DOCK4: variants seen among roughly 807,000 people sequenced by gnomAD.
DOCK4 encodes dedicator of cytokinesis protein 4.
In DOCK4, 97 loss-of-function variants were observed where a neutral mutation model predicts 268.1. The observed-to-expected ratio is 0.36, with a 90% CI of 0.31 to 0.43. The LOEUF (loss-of-function observed/expected upper bound fraction) is 0.43, where lower values mean the gene tolerates loss of function less well. Ranked by LOEUF, DOCK4 falls within the 20% of genes least tolerant of loss-of-function variation. The pLI is 1.00. For synonymous variants in DOCK4, 954 were observed against 887.2 expected, an observed-to-expected ratio of 1.08 and a Z score of -1.34; for missense variants, 2,145 against 2,455.7, an observed-to-expected ratio of 0.87 and a Z score of 2.67.
At chr7:112,188,282 G>A (rs1275279352) in intron 1 of DOCK4, among the ~76,000 whole-genome samples, 2 of 152,196 alleles carry the variant, frequency 1.3e-5, no homozygotes, top group Non-Finnish European at 2.9e-5. Context: ...CAGTTCCAAT[G>A]ACATCTAGTC....
At chr7:112,130,727 G>A (rs1324042707) in intron 1 of DOCK4, among the ~76,000 whole-genome samples, 1 of 152,208 alleles carries the variant, frequency 6.6e-6, no homozygotes, top group Non-Finnish European at 1.5e-5. Context: ...GTTAGTAAAT[G>A]TGGGGAAAAA....
At chr7:112,088,439 A>G (rs1189932835) in intron 1 of DOCK4, among the ~76,000 whole-genome samples, 1 of 152,172 alleles carries the variant, frequency 6.6e-6, no homozygotes, top group Non-Finnish European at 1.5e-5. Flanking sequence ...ATGTAAGACA[A>G]TACTTATTTG....
intron 23 of DOCK4, among the ~76,000 whole-genome samples, chr7:111,851,022 G>T (rs547404704): frequency 6.6e-6 from 1 of 152,166 alleles, no homozygotes; most frequent in Non-Finnish European, 1.5e-5. Context: ...TTCAACAAAT[G>T]ATGCTAGAAC....
At chr7:111,897,612 T>C (rs1001782743) in intron 15 of DOCK4, among the ~76,000 whole-genome samples, 9 of 150,778 alleles carry the variant, frequency 6.0e-5, no homozygotes, top group African/African-American at 2.0e-4. Flanking sequence ...AAGCTTGAAA[T>C]TGGACATAGT....
chr7:111,914,849 TCA>T (rs1371142905), intron 13 of DOCK4, among the ~76,000 whole-genome samples: 1 of 152,238 alleles, frequency 6.6e-6, no homozygotes, highest in Non-Finnish European at 1.5e-5. Context: ...TCTGTTGTGT[TCA>T]GTTTTATAGC....
At chr7:112,108,486 A>C (rs1406012282) in intron 1 of DOCK4, among the ~76,000 whole-genome samples, 5 of 152,222 alleles carry the variant, frequency 3.3e-5, no homozygotes, top group Non-Finnish European at 7.3e-5. Flanking sequence ...AAGAGAGTGT[A>C]ATATTTTACA....
intron 27 of DOCK4, among the ~76,000 whole-genome samples, chr7:111,817,636 G>T (rs2133943694): frequency 6.6e-6 from 1 of 152,276 alleles, no homozygotes; most frequent in South Asian, 2.1e-4. Flanking sequence ...TAGCAACCTT[G>T]CATGCAATCC....
intron 12 of DOCK4, among the ~76,000 whole-genome samples, chr7:111,925,573 T>C (rs923078098): frequency 6.6e-6 from 1 of 152,150 alleles, no homozygotes; most frequent in African/African-American, 2.4e-5. Context: ...GCTGTGAACA[T>C]TACCAGAGGC....
chr7:111,872,667 C>T, intron 17 of DOCK4, 103 bp from the exon 18 acceptor site: 1 of 860,406 alleles, frequency 1.2e-6, no homozygotes, highest in Non-Finnish European at 1.7e-6. Context: ...ATGTGGCTCC[C>T]CTCTCCTAGC....
chr7:111,964,204 T>G (rs1167493079), intron 8 of DOCK4, among the ~76,000 whole-genome samples: 1 of 133,500 alleles, frequency 7.5e-6, no homozygotes, highest in African/African-American at 3.5e-5. Flanking sequence ...CAAAGCTGGA[T>G]GGAGAATGAT....
At chr7:112,179,418 A>C (rs939070973) in intron 1 of DOCK4, among the ~76,000 whole-genome samples, 3 of 151,826 alleles carry the variant, frequency 2.0e-5, no homozygotes, top group African/African-American at 7.3e-5. Flanking sequence ...AAATCTTCTA[A>C]GTGAACTCTC....
intron 1 of DOCK4, among the ~76,000 whole-genome samples, chr7:112,023,209 T>C (rs1802489142): frequency 6.6e-6 from 1 of 152,182 alleles, no homozygotes; most frequent in East Asian, 1.9e-4. Flanking sequence ...ATTACAAGTG[T>C]GAGGCACCGT....
chr7:111,869,678 C>T (rs1806256396), intron 20 of DOCK4, 23 bp from the exon 21 acceptor site: 1 of 1,604,638 alleles, frequency 6.2e-7, no homozygotes, highest in Admixed American at 1.7e-5. Context: ...GGAAAATGTG[C>T]AGAATGTAAA....
At chr7:112,116,538 G>C (rs1812191732) in intron 1 of DOCK4, among the ~76,000 whole-genome samples, 1 of 152,096 alleles carries the variant, frequency 6.6e-6, no homozygotes, top group South Asian at 2.1e-4. Context: ...GTCACAAGTG[G>C]GGAAACCAGA....
At chr7:112,149,714 A>C (rs1815876890) in intron 1 of DOCK4, among the ~76,000 whole-genome samples, 2 of 152,234 alleles carry the variant, frequency 1.3e-5, no homozygotes, top group Admixed American at 1.3e-4. Flanking sequence ...TGTCTCTTCT[A>C]TGAATTCAGT....
intron 52 of DOCK4, among the ~76,000 whole-genome samples, chr7:111,730,684 C>T (rs1795023329): frequency 6.6e-6 from 1 of 151,956 alleles, no homozygotes; most frequent in South Asian, 2.1e-4. Flanking sequence ...TAAGGCAGCA[C>T]ACTGCAAGGC....
At chr7:111,779,723 C>T (rs1303666982) in intron 35 of DOCK4, among the ~76,000 whole-genome samples, 1 of 152,174 alleles carries the variant, frequency 6.6e-6, no homozygotes, top group African/African-American at 2.4e-5. Context: ...TAAAGGCATA[C>T]TGATAAGCAT....
intron 1 of DOCK4, among the ~76,000 whole-genome samples, chr7:112,190,610 G>A (rs1329048889): frequency 2.0e-5 from 3 of 151,982 alleles, no homozygotes; most frequent in Admixed American, 2.0e-4. Flanking sequence ...TTGCAGACAG[G>A]GGCCGATTTA....
intron 35 of DOCK4, among the ~76,000 whole-genome samples, chr7:111,782,573 A>T (rs1798850673): frequency 6.6e-6 from 1 of 152,140 alleles, no homozygotes. Context: ...AGGAGGGTGA[A>T]GTAGTGCAAC....
Sources: allele counts gnomAD v4.1 joint callset (sites outside exome capture counted in the v4.1 genomes callset), GRCh38; gene constraint gnomAD v4.1.1; transcripts MANE v1.5; gene names NCBI Gene and HGNC (gene_info 2026-07-23, HGNC 2026-07-21).